ZBTB5: variants seen among roughly 807,000 people sequenced by gnomAD.
ZBTB5 encodes the protein zinc finger and BTB domain-containing protein 5.
Under a neutral mutation model 37.9 loss-of-function variants are expected in ZBTB5, and 15 were observed. That is an observed-to-expected ratio of 0.40 (90% CI 0.26 to 0.61). ZBTB5 has a LOEUF of 0.61. Among genes scored for constraint, ZBTB5 ranks in the 20% least tolerant of loss-of-function variants. The pLI, the probability that ZBTB5 is intolerant of heterozygous loss-of-function variation, is 0.47. For synonymous variants in ZBTB5, 315 were observed against 312.4 expected (o/e 1.01, Z -0.09); for missense variants, 708 against 856.8 (o/e 0.83, Z 2.17).
chr9:37,450,691 C>T lies in ZBTB5; in HGVS notation c.-4-8136G>A, dbSNP rs1011006404. On this transcript the variant is annotated intron_variant, in intron 1 of 1. Transcript: ENST00000307750. ...ACCAGCCTGGCCAGCATGGTGAAACCCCGTCTCTACTAAAAATACAAAAAT... is the reference window on the plus strand; with the variant it reads ...ACCAGCCTGGCCAGCATGGTGAAACTCCGTCTCTACTAAAAATACAAAAAT... Among the ~76,000 whole-genome samples the T allele has an allele frequency of 2.0e-5, 3 of 152,056 alleles. No individual in the cohort carries two copies. In the East Asian group the frequency reaches 5.8e-4, roughly 29 times the overall value.
chr9:37,442,967 A>T (rs1225787885), intron 1 of ZBTB5, among the ~76,000 whole-genome samples: 1 of 152,238 alleles, frequency 6.6e-6, no homozygotes, highest in Non-Finnish European at 1.5e-5. Context: ...GAAAAGGGCA[A>T]ATCAATATTA....
At position 37,465,227 on chromosome 9, in the gene ZBTB5, C is replaced by T. The variant is rs1278823071; in HGVS notation, c.-17G>A. 6.6e-6 allele frequency: 1 copy of T among 152,242 alleles called. No individual in the cohort carries two copies. The highest frequency in any genetic ancestry group is 1.9e-4 in the East Asian group (1 of 5,198). The allele number at this position is 152,242 out of a possible 1,614,324, so 9.4% of individuals were successfully genotyped here. On this transcript the variant is annotated 5_prime_UTR_variant, in exon 1 of 2. Transcript: ENST00000307750. ...GGGGTCTCCTCACCTGAGTCGGGCT[C>T]CGCCCCCCTCCTCCTCGCTGAAGGA...
chr9:37,443,259 C>T (rs1262971917), intron 1 of ZBTB5, among the ~76,000 whole-genome samples: 5 of 149,956 alleles, frequency 3.3e-5, no homozygotes, highest in Non-Finnish European at 5.9e-5. Flanking sequence ...GCTGAGGAGG[C>T]GGAGGTTGCA....
At position 37,440,235 on chromosome 9, in the gene ZBTB5, T is replaced by G. The variant is rs2118927140; in HGVS notation, c.*283A>C. ...TTTTGCACTTCAATTTTTAAATTTT[T>G]AAATGTGCCACTTTTAATATCAATT... On this transcript the variant is annotated 3_prime_UTR_variant, in exon 2 of 2. Coordinates refer to ENST00000307750, the MANE Select transcript of ZBTB5 (RefSeq NM_014872.3). The G allele has an allele frequency of 2.6e-6, 1 of 385,160 alleles. No individual in the cohort carries two copies. Among genetic ancestry groups the G allele is most frequent in the East Asian group, 4.8e-5 (1 of 20,886 alleles). The allele number at this position is 385,160 out of a possible 1,614,324, so 23.9% of individuals were successfully genotyped here.
chr9:37,449,634 G>C (rs1824060250), intron 1 of ZBTB5, among the ~76,000 whole-genome samples: 1 of 150,764 alleles, frequency 6.6e-6, no homozygotes, highest in Non-Finnish European at 1.5e-5. Context: ...AGGAGGTGGA[G>C]GTTGCAGTGA....
chr9:37,449,986 G>C (rs1313832709), intron 1 of ZBTB5, among the ~76,000 whole-genome samples: 2 of 152,104 alleles, frequency 1.3e-5, no homozygotes, highest in Non-Finnish European at 1.5e-5. Context: ...AAGCCCATTT[G>C]CATAATAAGA....
At chr9:37,454,212 C>G (rs148509202) in intron 1 of ZBTB5, among the ~76,000 whole-genome samples, 2 of 152,314 alleles carry the variant, frequency 1.3e-5, no homozygotes, top group African/African-American at 4.8e-5. Flanking sequence ...TTGCTATTAT[C>G]TGCTCTGATG....
intron 1 of ZBTB5, among the ~76,000 whole-genome samples, chr9:37,447,050 G>A (rs1487804128): frequency 6.6e-6 from 1 of 152,200 alleles, no homozygotes; most frequent in Non-Finnish European, 1.5e-5. Flanking sequence ...CAGTGTATTA[G>A]TCTGTTTTCA....
chr9:37,442,640 T>C, intron 1 of ZBTB5, 85 bp from the exon 2 acceptor site: 15 of 1,127,108 alleles, frequency 1.3e-5, no homozygotes, highest in Non-Finnish European at 1.7e-5. Context: ...AAGAGTGGAA[T>C]GGATGGCCAA....
At chr9:37,448,069 G>A (rs1389890033) in intron 1 of ZBTB5, among the ~76,000 whole-genome samples, 1 of 152,090 alleles carries the variant, frequency 6.6e-6, no homozygotes, top group Admixed American at 6.6e-5. Flanking sequence ...AGAGCCAGGG[G>A]ATCTTTGAAA....
intron 1 of ZBTB5, among the ~76,000 whole-genome samples, chr9:37,443,208 A>G (rs1286775997): frequency 2.0e-5 from 3 of 151,858 alleles, no homozygotes; most frequent in African/African-American, 7.3e-5. Flanking sequence ...AAAATTAGCC[A>G]GGCATGGTGG....
At position 37,442,673 on chromosome 9, in the gene ZBTB5, A is replaced by G. The variant is rs1420176703; in HGVS notation, c.-4-118T>C. On this transcript the variant is annotated intron_variant, in intron 1 of 1. Coordinates refer to ENST00000307750, the MANE Select transcript of ZBTB5 (RefSeq NM_014872.3). ...CAAGCTTGGACCTTTGAAGCCCGTG[A>G]TATCTCTGATAATGGGCACATACAC... 7 of 746,826 alleles carry G rather than the reference A, an allele frequency of 9.4e-6. No homozygotes were observed. The Middle Eastern group carries it at 1.0e-3, about 109-fold the overall frequency. The allele number at this position is 746,826 out of a possible 1,614,324, so 46.3% of individuals were successfully genotyped here.
rs962848461 is a variant in ZBTB5 at position 37,440,893 on chromosome 9, G to C, written c.1659C>G (p.Ile553Met). ...PVVTSVRSSQ[I>M]PENSTSSQLM... The stretch of plus-strand genomic sequence containing the variant: ...GCTGAGAACTGGTAGAGTTTTCTGG[G>C]ATCTGTGAGCTCCTGACGGAAGTTA... Residue 553 changes from isoleucine to methionine, a missense_variant, in exon 2 of 2, where the codon ATC becomes ATG. Transcript: ENST00000307750. The C allele has an allele frequency of 1.9e-6, 3 of 1,614,182 alleles. No individual in the cohort carries two copies. The highest frequency in any genetic ancestry group is 2.5e-6 in the Non-Finnish European group (3 of 1,180,044).
chr9:37,458,190 C>G (rs913933157), intron 1 of ZBTB5, among the ~76,000 whole-genome samples: 8 of 152,238 alleles, frequency 5.3e-5, no homozygotes, highest in Non-Finnish European at 1.2e-4. Context: ...ACAATCAGGT[C>G]AGAATGCCAA....
rs150185587 is a variant in ZBTB5 at position 37,442,428 on chromosome 9, G to A, written c.124C>T (p.Leu42=). ...CGGAAATGCGTGCTGCATGCTGCCA[G>A]CACGGAGCGGTGGGCTTTAAAGTGT... ...NRHFKAHRSV[L]AACSTHFRAL... Residue 42 remains leucine (L), a synonymous_variant, in exon 2 of 2, where the codon CTG becomes TTG. Transcript: ENST00000307750. 59 of 1,614,046 alleles carry A rather than the reference G, an allele frequency of 3.7e-5. No homozygotes were observed. The African/African-American group carries it at 7.7e-4, about 21-fold the overall frequency.
intron 1 of ZBTB5, among the ~76,000 whole-genome samples, chr9:37,451,963 G>C (rs187291741): frequency 6.6e-6 from 1 of 152,342 alleles, no homozygotes; most frequent in Non-Finnish European, 1.5e-5. Context: ...TTACCTTCAA[G>C]AGTAATTGGG....
At chr9:37,464,062 A>G (rs1824343534) in intron 1 of ZBTB5, among the ~76,000 whole-genome samples, 1 of 152,136 alleles carries the variant, frequency 6.6e-6, no homozygotes, top group Non-Finnish European at 1.5e-5. Context: ...TCTTCTTCCC[A>G]TCTGGACTTT....
intron 1 of ZBTB5, among the ~76,000 whole-genome samples, chr9:37,456,918 A>T (rs1390893447): frequency 6.6e-6 from 1 of 152,262 alleles, no homozygotes; most frequent in Non-Finnish European, 1.5e-5. Flanking sequence ...AATATCCAAA[A>T]TAAAGATCAA....
At chr9:37,461,633 C>T (rs1241964462) in intron 1 of ZBTB5, among the ~76,000 whole-genome samples, 1 of 152,004 alleles carries the variant, frequency 6.6e-6, no homozygotes, top group Non-Finnish European at 1.5e-5. Flanking sequence ...GAGGCTGAGA[C>T]ACAAGAATCA....
Sources: allele counts gnomAD v4.1 joint callset (sites outside exome capture counted in the v4.1 genomes callset), GRCh38; gene constraint gnomAD v4.1.1; transcripts MANE v1.5; gene names NCBI Gene and HGNC (gene_info 2026-07-23, HGNC 2026-07-21).